The following COBL variants were observed in gnomAD, a reference collection of about 807,000 sequenced individuals.
The protein encoded by COBL is cordon-bleu WH2 repeat protein.
A neutral mutation model predicts 98.8 loss-of-function variants in COBL; 51 were observed. That is an observed-to-expected ratio of 0.52 (90% confidence interval 0.41 to 0.65). COBL has a LOEUF of 0.65. COBL is among the 30% of genes least tolerant of loss of function. COBL has a pLI of 0.00. For synonymous variants in COBL, 634 were observed against 651.7 expected (o/e 0.97, Z 0.41); for missense variants, 1,617 against 1,617.5 (o/e 1.00, Z 0.01).
intron 2 of COBL, among the ~76,000 whole-genome samples, chr7:51,217,995 G>A (rs754079175): frequency 8.5e-5 from 13 of 152,106 alleles, no homozygotes; most frequent in African/African-American, 2.7e-4. Flanking sequence ...AGTTAATTGC[G>A]CCTGAGCCCT....
chr7:51,225,423 C>T (rs933036164), intron 1 of COBL, among the ~76,000 whole-genome samples: 6 of 152,182 alleles, frequency 3.9e-5, no homozygotes, highest in African/African-American at 1.2e-4. Context: ...GCACACCCAT[C>T]GCAGGTGCTC....
chr7:51,311,880 G>A (rs1338344466), intron 1 of COBL, among the ~76,000 whole-genome samples: 3 of 151,928 alleles, frequency 2.0e-5, no homozygotes, highest in Non-Finnish European at 2.9e-5. Context: ...AGCTTTCAGT[G>A]GGTCATGAAA....
chr7:51,304,262 C>T (rs1802256352), intron 1 of COBL, among the ~76,000 whole-genome samples: 1 of 152,194 alleles, frequency 6.6e-6, no homozygotes, highest in South Asian at 2.1e-4. Flanking sequence ...AGTGGGGAGG[C>T]AGAGGTCACA....
At chr7:51,071,719 A>G (rs1219698197) in intron 7 of COBL, 1 of 152,218 alleles carries the variant, frequency 6.6e-6, no homozygotes, top group Non-Finnish European at 1.5e-5. Flanking sequence ...TCTTCAGCAT[A>G]ATAGCTACTT....
At chr7:51,264,672 CAAAAAAAAAAAAAA>C (rs5884201) in intron 1 of COBL, among the ~76,000 whole-genome samples, 2 of 48,384 alleles carry the variant, frequency 4.1e-5, no homozygotes, top group Non-Finnish European at 9.3e-5. Flanking sequence ...CTCCATCTCC[CAAAAAAAAAAAAAA>C]AAAAAAAAAG....
At chr7:51,276,113 T>A (rs760499197) in intron 1 of COBL, among the ~76,000 whole-genome samples, 3 of 152,220 alleles carry the variant, frequency 2.0e-5, no homozygotes, top group Admixed American at 6.5e-5. Context: ...ACCATGCAAC[T>A]TCTTCTGTTT....
intron 7 of COBL, among the ~76,000 whole-genome samples, chr7:51,055,041 G>T (rs141161476): frequency 6.6e-6 from 1 of 152,150 alleles, no homozygotes; most frequent in Non-Finnish European, 1.5e-5. Context: ...GGAGCCAAGG[G>T]AGCAGGTTCA....
At chr7:51,165,003 TA>T (rs1314441947) in intron 5 of COBL, among the ~76,000 whole-genome samples, 1 of 151,336 alleles carries the variant, frequency 6.6e-6, no homozygotes, top group Non-Finnish European at 1.5e-5. Context: ...TACACAAAAA[TA>T]AAAAGGAAGA....
intron 2 of COBL, among the ~76,000 whole-genome samples, chr7:51,217,340 C>CTTTTTTTTTTTTTTTTTTTTT (rs937958755): frequency 7.8e-6 from 1 of 127,720 alleles, no homozygotes; most frequent in Non-Finnish European, 1.6e-5. Flanking sequence ...TTTTCTTTTT[C>CTTTTTTTTTTTTTTTTTTTTT]TTTTTTTTTT....
chr7:51,291,863 T>C (rs969758299), intron 1 of COBL, among the ~76,000 whole-genome samples: 1 of 151,460 alleles, frequency 6.6e-6, no homozygotes, highest in African/African-American at 2.4e-5. Flanking sequence ...AAGCCAAAAA[T>C]AAAAATAAGA....
At chr7:51,064,018 A>G (rs888578291) in intron 7 of COBL, among the ~76,000 whole-genome samples, 10 of 152,224 alleles carry the variant, frequency 6.6e-5, no homozygotes, top group Admixed American at 5.9e-4. Flanking sequence ...TTCTCTGGAC[A>G]GTGCAAGACC....
intron 6 of COBL, among the ~76,000 whole-genome samples, chr7:51,086,486 G>A (rs1408713738): frequency 6.6e-6 from 1 of 151,970 alleles, no homozygotes; most frequent in East Asian, 1.9e-4. Flanking sequence ...GCCTTCCAAG[G>A]GCTCATCATA....
chr7:51,203,714 A>G (rs1223388229), intron 2 of COBL, among the ~76,000 whole-genome samples: 2 of 152,168 alleles, frequency 1.3e-5, no homozygotes, highest in African/African-American at 4.8e-5. Flanking sequence ...TAACAAATAC[A>G]GAGATTATAT....
chr7:51,110,756 T>TTGTGTCCTCATG (rs1796748414), intron 6 of COBL, among the ~76,000 whole-genome samples: 1 of 152,238 alleles, frequency 6.6e-6, no homozygotes, highest in Non-Finnish European at 1.5e-5. Context: ...CCTCATAGCT[T>TTGTGTCCTCATG]AGCTCCCACA....
At chr7:51,234,892 CAGAG>C (rs1795101842) in intron 1 of COBL, among the ~76,000 whole-genome samples, 1 of 151,552 alleles carries the variant, frequency 6.6e-6, no homozygotes, top group East Asian at 1.9e-4. Flanking sequence ...AAGAGAGAGA[CAGAG>C]AGAAAGAGCA....
chr7:51,279,500 A>G (rs933630118), intron 1 of COBL, among the ~76,000 whole-genome samples: 1 of 152,224 alleles, frequency 6.6e-6, no homozygotes, highest in African/African-American at 2.4e-5. Flanking sequence ...TTAAGTTCAA[A>G]GCAAAGTTGA....
intron 2 of COBL, among the ~76,000 whole-genome samples, chr7:51,194,044 A>C (rs1238690125): frequency 6.6e-6 from 1 of 152,146 alleles, no homozygotes; most frequent in East Asian, 1.9e-4. Context: ...AGCTTATTTT[A>C]TCAACCAGGT....
chr7:51,034,691 C>T (rs1157205292), intron 8 of COBL: 1 of 152,158 alleles, frequency 6.6e-6, no homozygotes, highest in Non-Finnish European at 1.5e-5. Flanking sequence ...CAGGGGAGCC[C>T]TAGGTATGTG....
chr7:51,248,063 A>G (rs971688144), intron 1 of COBL, among the ~76,000 whole-genome samples: 24 of 152,090 alleles, frequency 1.6e-4, no homozygotes, highest in African/African-American at 5.8e-4. Context: ...TGTCTGAGTC[A>G]GGGAGGGGGA....
Sources: allele counts gnomAD v4.1 joint callset (sites outside exome capture counted in the v4.1 genomes callset), GRCh38; gene constraint gnomAD v4.1.1; transcripts MANE v1.5; gene names NCBI Gene and HGNC (gene_info 2026-07-23, HGNC 2026-07-21).